Variants in SLC9A8 observed in about 807,000 individuals in gnomAD.
SLC9A8 encodes sodium/hydrogen exchanger 8.
Under a neutral mutation model 66.6 loss-of-function variants are expected in SLC9A8, and 48 were observed. The ratio of observed to expected loss-of-function variants is 0.72; its 90% CI spans 0.57 to 0.92. The LOEUF (loss-of-function observed/expected upper bound fraction) is 0.92, where lower values mean the gene tolerates loss of function less well. SLC9A8 is among the 40% of genes least tolerant of loss of function. The pLI, the probability that SLC9A8 is intolerant of heterozygous loss-of-function variation, is 0.00. For synonymous variants in SLC9A8, 274 were observed against 282.6 expected (o/e 0.97, Z 0.31); for missense variants, 599 against 747.3 (o/e 0.80, Z 2.31).
At position 49,855,494 on chromosome 20, in the gene SLC9A8, T is replaced by G; in HGVS notation, c.626T>G (p.Phe209Cys). Residue 209 changes from phenylalanine to cysteine, a missense_variant, in exon 8 of 16, where the codon TTC (phenylalanine) becomes TGC (cysteine). By Grantham distance (205) the Phe-to-Cys change is radical. Transcript: ENST00000361573. ...AVDPVATIAI[F>C]NALHVDPVLN... is the part of the protein sequence containing the mutation. ...GATCCAGTGGCCACTATTGCCATTT[T>G]CAATGCACTTCATGTGGACCCCGTG... The G allele has an allele frequency of 6.2e-7, 1 of 1,614,236 alleles. No individual in the cohort carries two copies. Among genetic ancestry groups the G allele is most frequent in the Non-Finnish European group, 8.5e-7 (1 of 1,180,026 alleles).
Position 49,887,815 on chromosome 20 carries a change from G to A in SLC9A8, c.1639-14G>A. ...CCTGACGCCCTGACGGCTTGGTTGTGTCTCTCGACCCAGGACCTGCACCAC... is the reference window on the plus strand; with the variant it reads ...CCTGACGCCCTGACGGCTTGGTTGTATCTCTCGACCCAGGACCTGCACCAC... On this transcript the variant is annotated splice_polypyrimidine_tract_variant and intron_variant, in intron 15 of 15. Coordinates refer to ENST00000361573, the MANE Select transcript of SLC9A8 (RefSeq NM_015266.3). The A allele has an allele frequency of 1.3e-6, 2 of 1,576,778 alleles. No homozygotes were observed. Among genetic ancestry groups the A allele is most frequent in the Non-Finnish European group, 1.7e-6 (2 of 1,157,780 alleles).
intron 2 of SLC9A8, among the ~76,000 whole-genome samples, chr20:49,822,066 C>T (rs1371478553): frequency 6.6e-6 from 1 of 152,112 alleles, no homozygotes; most frequent in Non-Finnish European, 1.5e-5. Flanking sequence ...GTAATGACAG[C>T]TAATTCCGAG....
At chr20:49,823,703 T>G (rs1386010335) in intron 3 of SLC9A8, among the ~76,000 whole-genome samples, 1 of 152,148 alleles carries the variant, frequency 6.6e-6, no homozygotes, top group East Asian at 1.9e-4. Context: ...CAGGTGTGAA[T>G]GCACACACAA....
chr20:49,845,299 T>C (rs1470682149), intron 5 of SLC9A8, among the ~76,000 whole-genome samples, 180 bp downstream of exon 5: 2 of 152,224 alleles, frequency 1.3e-5, no homozygotes, highest in Non-Finnish European at 2.9e-5. Context: ...GCAGACATGA[T>C]GAATTGGCTG....
intron 3 of SLC9A8, 32 bp downstream of exon 3, chr20:49,823,173 G>A (rs2086803310): frequency 6.5e-7 from 1 of 1,539,810 alleles, no homozygotes; most frequent in African/African-American, 1.4e-5. Flanking sequence ...CATAATAAAA[G>A]CAGTAACAAT....
At chr20:49,834,375 AT>A (rs2087400360) in intron 3 of SLC9A8, among the ~76,000 whole-genome samples, 1 of 66,696 alleles carries the variant, frequency 1.5e-5, no homozygotes, top group Non-Finnish European at 2.6e-5. Flanking sequence ...CTGTGTATAT[AT>A]ATATATACTG....
At chr20:49,863,778 A>C (rs1224470711) in intron 9 of SLC9A8, 1 of 152,248 alleles carries the variant, frequency 6.6e-6, no homozygotes, top group South Asian at 2.1e-4. Context: ...CATTATGTTT[A>C]AAATAGTAAC....
chr20:49,831,670 C>T (rs1169909972), intron 3 of SLC9A8, among the ~76,000 whole-genome samples: 1 of 152,202 alleles, frequency 6.6e-6, no homozygotes, highest in African/African-American at 2.4e-5. Context: ...AGACCAGACT[C>T]CAGACAGAGG....
At position 49,818,780 on chromosome 20, in the gene SLC9A8, C is replaced by A. The variant is rs578028378; in HGVS notation, c.208+3591C>A. Among the ~76,000 whole-genome samples, 25 of 152,250 alleles carry A rather than the reference C, an allele frequency of 1.6e-4. No homozygotes were observed. In the South Asian group the frequency reaches 5.0e-3, roughly 30 times the overall value. On this transcript the variant is annotated intron_variant, in intron 2 of 15. Transcript: ENST00000361573. ...TGCTGGGATTATAGGCATGAGCCAC[C>A]ACACCCAGTTCAAACAATGTAAATC...
chr20:49,854,711 C>T (rs779602622), intron 7 of SLC9A8, among the ~76,000 whole-genome samples: 1 of 152,166 alleles, frequency 6.6e-6, no homozygotes, highest in Admixed American at 6.5e-5. Flanking sequence ...CGTTGTCCCT[C>T]GGTTTTCTCC....
chr20:49,877,066 G>A (rs1421700129), intron 11 of SLC9A8, among the ~76,000 whole-genome samples: 1 of 151,140 alleles, frequency 6.6e-6, no homozygotes, highest in Non-Finnish European at 1.5e-5. Flanking sequence ...AAGGTGTGCG[G>A]ATCACAAGGT....
intron 2 of SLC9A8, among the ~76,000 whole-genome samples, chr20:49,820,354 G>C (rs1475713233): frequency 6.6e-6 from 1 of 152,042 alleles, no homozygotes; most frequent in East Asian, 1.9e-4. Flanking sequence ...GCTGGGTGTG[G>C]GCGTGGTGGC....
Position 49,883,888 on chromosome 20 carries a change from A to C in SLC9A8, c.1313A>C (p.Asp438Ala). ...CCCTATGCCCTGAGCCTACACCTGG[A>C]CCTGGAGCCCATGGAGAAGCGGCAG... ...AIPYALSLHL[D>A]LEPMEKRQLI... The change falls in exon 14 of 16, where the codon GAC becomes GCC. Residue 438 changes from aspartate to alanine, a missense_variant. Physicochemically the swap from Asp to Ala is moderately radical, Grantham distance 126. Transcript: ENST00000361573. The C allele has an allele frequency of 6.2e-7, 1 of 1,609,762 alleles. No homozygotes were observed.
At chr20:49,887,495 GA>G (rs1322498047) in intron 15 of SLC9A8, among the ~76,000 whole-genome samples, 1 of 152,180 alleles carries the variant, frequency 6.6e-6, no homozygotes, top group African/African-American at 2.4e-5. Flanking sequence ...CAGCTGAGGA[GA>G]TGGAGGCCTA....
At chr20:49,859,189 A>G (rs936819645) in intron 8 of SLC9A8, among the ~76,000 whole-genome samples, 2 of 152,140 alleles carry the variant, frequency 1.3e-5, no homozygotes, top group African/African-American at 4.8e-5. Flanking sequence ...CAGCCTCACA[A>G]ACTCTCCAGC....
chr20:49,838,963 A>G (rs1327600997), intron 3 of SLC9A8, among the ~76,000 whole-genome samples: 2 of 152,176 alleles, frequency 1.3e-5, no homozygotes, highest in African/African-American at 2.4e-5. Context: ...TTCTTTGAGA[A>G]TTATTTTTGG....
intron 3 of SLC9A8, among the ~76,000 whole-genome samples, chr20:49,834,183 CTCTA>C (rs1357677365): frequency 0.016 from 591 of 36,938 alleles, 4 homozygotes; most frequent in Non-Finnish European, 0.018. Context: ...CTCTCTCTCT[CTCTA>C]TATATATATA....
At chr20:49,856,010 C>A (rs747953987) in intron 8 of SLC9A8, among the ~76,000 whole-genome samples, 34 of 152,156 alleles carry the variant, frequency 2.2e-4, no homozygotes, top group Non-Finnish European at 4.0e-4. Context: ...CCAGGCTTGT[C>A]TTGAACCCCT....
At chr20:49,843,919 A>T (rs781101876) in intron 4 of SLC9A8, among the ~76,000 whole-genome samples, 1 of 152,034 alleles carries the variant, frequency 6.6e-6, no homozygotes, top group Non-Finnish European at 1.5e-5. Context: ...TTCCCTATAC[A>T]GCTGGTTGTT....
Sources: allele counts gnomAD v4.1 joint callset (sites outside exome capture counted in the v4.1 genomes callset), GRCh38; gene constraint gnomAD v4.1.1; transcripts MANE v1.5; gene names NCBI Gene and HGNC (gene_info 2026-07-23, HGNC 2026-07-21).